The following CCDC171 variants were observed in gnomAD, a reference collection of about 807,000 sequenced individuals.
The protein encoded by CCDC171 is coiled-coil domain-containing protein 171.
In CCDC171, 177 loss-of-function variants were observed where a neutral mutation model predicts 168.2. That is an observed-to-expected ratio of 1.05 (90% confidence interval 0.93 to 1.19). The LOEUF (loss-of-function observed/expected upper bound fraction) is 1.19. Ranked by LOEUF, CCDC171 falls within the 50% of genes most tolerant of loss-of-function variation. The pLI, the probability that CCDC171 is intolerant of heterozygous loss-of-function variation, is 0.00. For synonymous variants in CCDC171, 687 were observed against 540.8 expected, an observed-to-expected ratio of 1.27 and a Z score of -3.75; for missense variants, 1,991 against 1,539.0, an observed-to-expected ratio of 1.29 and a Z score of -4.91.
intron 23 of CCDC171, among the ~76,000 whole-genome samples, chr9:15,860,665 C>G (rs917536585): frequency 5.9e-5 from 9 of 151,896 alleles, no homozygotes; most frequent in Non-Finnish European, 1.3e-4. Flanking sequence ...TGTTTTGACA[C>G]CTAACATATG....
intron 11 of CCDC171, among the ~76,000 whole-genome samples, chr9:15,715,120 A>G (rs2052982216): frequency 6.6e-6 from 1 of 152,218 alleles, no homozygotes; most frequent in African/African-American, 2.4e-5. Flanking sequence ...GAGCTTATCA[A>G]GCTACACAGA....
rs1194921046 is a variant in CCDC171, at chr9:15,706,483, T to TCAC, written c.1318+11149_1318+11151dup. ...TTGTATTTTTTATAGAGATGGGATT[T>TCAC]CACCATGTTGCCCAGGCTGGTCTCC... On this transcript the variant is annotated intron_variant, in intron 11 of 25. Coordinates refer to ENST00000380701, the MANE Select transcript of CCDC171 (RefSeq NM_173550.4). 1.4e-4 allele frequency among the ~76,000 whole-genome samples: 21 copies of TCAC among 152,234 alleles called. No homozygotes were observed. The East Asian group carries it at 2.7e-3, about 20-fold the overall frequency.
At chr9:16,062,408 A>C (rs1833942822), downstream of CCDC171, among the ~76,000 whole-genome samples, 1 of 152,186 alleles carries the variant, frequency 6.6e-6, no homozygotes, top group Non-Finnish European at 1.5e-5. Context: ...TTGAGGGTGG[A>C]AGCTGGGAGG....
intron 20 of CCDC171, among the ~76,000 whole-genome samples, chr9:15,783,304 C>G (rs1268066284): frequency 6.6e-6 from 1 of 152,124 alleles, no homozygotes; most frequent in East Asian, 1.9e-4. Context: ...CTATTTTTGT[C>G]TTATTTGTCA....
At chr9:15,796,972 T>C (rs1396199270) in intron 21 of CCDC171, among the ~76,000 whole-genome samples, 4 of 152,212 alleles carry the variant, frequency 2.6e-5, no homozygotes, top group Non-Finnish European at 5.9e-5. Flanking sequence ...CCGAAATCTT[T>C]TTCAAAATTG....
At chr9:15,674,294 A>G (rs981033705) in intron 9 of CCDC171, among the ~76,000 whole-genome samples, 2 of 151,882 alleles carry the variant, frequency 1.3e-5, no homozygotes, top group East Asian at 1.9e-4. Flanking sequence ...TATTTTGTTG[A>G]TCTTTTCAAA....
intron 1 of CCDC171, chr9:16,060,599 A>G (rs1833919821): frequency 6.6e-6 from 1 of 152,218 alleles, no homozygotes; most frequent in Non-Finnish European, 1.5e-5. Context: ...TGTCAGCCCC[A>G]TTGATTGCTT....
intron 25 of CCDC171, among the ~76,000 whole-genome samples, chr9:15,937,060 A>G (rs188271469): frequency 6.6e-6 from 1 of 152,192 alleles, no homozygotes; most frequent in Admixed American, 6.5e-5. Context: ...TAAGTTTTGA[A>G]TAGTATTTTT....
In CCDC171 at chr9:15,635,432, G is replaced by C. The variant is rs115966848; in HGVS notation, c.822+12019G>C. ...CAAGAGTCTAAAAATTGAAGAACTT[G>C]GAGTCTGATGTTCCAGGGCAGGAAG... On this transcript the variant is annotated intron_variant, in intron 7 of 25. Coordinates refer to ENST00000380701, the MANE Select transcript of CCDC171 (RefSeq NM_173550.4). 9.6e-3 allele frequency among the ~76,000 whole-genome samples: 1,463 copies of C among 152,150 alleles called. 27 individuals are homozygous for C. Among genetic ancestry groups the C allele is most frequent in the African/African-American group, 0.034 (1,398 of 41,510 alleles).
At chr9:15,987,513 A>G (rs560948204) in intron 3 of CCDC171, among the ~76,000 whole-genome samples, 1 of 152,224 alleles carries the variant, frequency 6.6e-6, no homozygotes, top group East Asian at 1.9e-4. Context: ...ATGGACAGAG[A>G]TTTGAAACAT....
intron 18 of CCDC171, among the ~76,000 whole-genome samples, chr9:15,753,096 GA>G (rs1245653436): frequency 6.6e-6 from 1 of 152,090 alleles, no homozygotes; most frequent in Admixed American, 6.6e-5. Flanking sequence ...AGTTGTTAGA[GA>G]ACAATAATGA....
At chr9:15,657,712 A>T (rs1043094662) in intron 8 of CCDC171, among the ~76,000 whole-genome samples, 52 of 152,336 alleles carry the variant, frequency 3.4e-4, no homozygotes, top group African/African-American at 1.2e-3. Context: ...GAGATACTAT[A>T]TATCTATCTC....
intron 1 of CCDC171, among the ~76,000 whole-genome samples, chr9:16,046,783 C>G (rs1833669335): frequency 6.6e-6 from 1 of 152,166 alleles, no homozygotes; most frequent in African/African-American, 2.4e-5. Flanking sequence ...GATTATGAGG[C>G]CTCCCCAGCC....
In CCDC171 at chr9:15,579,945, A is replaced by G. The variant is rs551708485; in HGVS notation, c.352+922A>G. Among the ~76,000 whole-genome samples the G allele has an allele frequency of 5.9e-5, 9 of 152,286 alleles. No homozygotes were observed. In the South Asian group the frequency reaches 1.9e-3, roughly 32 times the overall value. On this transcript the variant is annotated intron_variant, in intron 4 of 25. Coordinates refer to ENST00000380701, the MANE Select transcript of CCDC171 (RefSeq NM_173550.4). ...AACATTCTTGTACACAGCAGGTTTTAATTAAGAGAACACTGAATGTGAATT... is the reference window on the plus strand; with the variant it reads ...AACATTCTTGTACACAGCAGGTTTTGATTAAGAGAACACTGAATGTGAATT...
chr9:15,916,767 T>C (rs561395773), intron 24 of CCDC171, among the ~76,000 whole-genome samples: 28 of 152,056 alleles, frequency 1.8e-4, no homozygotes, highest in Non-Finnish European at 3.7e-4. Context: ...AATTTTATGT[T>C]TGAATTCCCT....
At chr9:15,809,171 G>A (rs1588630476) in intron 21 of CCDC171, among the ~76,000 whole-genome samples, 1 of 152,240 alleles carries the variant, frequency 6.6e-6, no homozygotes, top group Non-Finnish European at 1.5e-5. Flanking sequence ...ATAGCAAGTG[G>A]GTATTGGAGT....
At chr9:15,780,331 T>C (rs1394416517) in intron 20 of CCDC171, among the ~76,000 whole-genome samples, 1 of 152,150 alleles carries the variant, frequency 6.6e-6, no homozygotes, top group African/African-American at 2.4e-5. Context: ...AACTTTTTTT[T>C]TTCTAATTAT....
intron 3 of CCDC171, among the ~76,000 whole-genome samples, chr9:15,983,817 AGTGTGT>A (rs58951910): frequency 6.9e-4 from 99 of 142,640 alleles, no homozygotes; most frequent in Non-Finnish European, 5.5e-4. Flanking sequence ...AAATAAAGAG[AGTGTGT>A]GTGTGTGTGT....
chr9:15,590,809 C>CTT (rs2041944436), intron 4 of CCDC171, among the ~76,000 whole-genome samples: 2 of 140,142 alleles, frequency 1.4e-5, no homozygotes, highest in Non-Finnish European at 3.1e-5. Flanking sequence ...TTCTTTCTTT[C>CTT]TTTCTTTCTT....
Sources: gnomAD v4.1 joint callset for allele counts (sites outside exome capture counted in the v4.1 genomes callset) on GRCh38, gnomAD v4.1.1 for gene constraint, MANE v1.5 for transcripts, NCBI Gene and HGNC (gene_info 2026-07-23, HGNC 2026-07-21) for gene names.